TAF4B: variants seen among roughly 807,000 people sequenced by gnomAD.
TAF4B encodes transcription initiation factor TFIID subunit 4B.
A neutral mutation model predicts 86.4 loss-of-function variants in TAF4B; 38 were observed. The ratio of observed to expected loss-of-function variants is 0.44; its 90% CI spans 0.34 to 0.58. TAF4B has a LOEUF of 0.58. Ranked by LOEUF, TAF4B falls within the 20% of genes least tolerant of loss-of-function variation. TAF4B has a pLI of 0.02. For missense variants in TAF4B, 988 were observed against 1,027.6 expected (o/e 0.96, Z 0.53); for synonymous variants, 388 against 391.2 (o/e 0.99, Z 0.10).
At chr18:26,231,034 CTTTTTTTTTTTTT>C (rs536863843) in intron 1 of TAF4B, among the ~76,000 whole-genome samples, 1,064 of 66,290 alleles carry the variant, frequency 0.016, 30 homozygotes, top group African/African-American at 0.058. Context: ...TGTTGTTTTG[CTTTTTTTTTTTTT>C]TTTTTTTTTT....
chr18:26,303,062 G>A (rs8084145), intron 9 of TAF4B, among the ~76,000 whole-genome samples: 2,163 of 79,668 alleles, frequency 0.027, 248 homozygotes, highest in African/African-American at 0.11. Context: ...TTTCATACCC[G>A]CTCCACTTTC....
chr18:26,309,245 A>ATTTTTTTTTTTTTTTTTT (rs59457633), intron 9 of TAF4B, among the ~76,000 whole-genome samples: 1 of 84,588 alleles, frequency 1.2e-5, no homozygotes, highest in African/African-American at 3.8e-5. Context: ...ACCTGACAGT[A>ATTTTTTTTTTTTTTTTTT]TTTTTTTTTT....
At chr18:26,312,850 A>G (rs1477725222) in intron 9 of TAF4B, among the ~76,000 whole-genome samples, 1 of 152,072 alleles carries the variant, frequency 6.6e-6, no homozygotes, top group African/African-American at 2.4e-5. Context: ...CTACACTTCA[A>G]TTTTTCTATC....
chr18:26,313,825 C>T (rs945295818), intron 9 of TAF4B, among the ~76,000 whole-genome samples: 1 of 152,044 alleles, frequency 6.6e-6, no homozygotes, highest in African/African-American at 2.4e-5. Flanking sequence ...ACAGCCATGC[C>T]TGGCTAATTT....
intron 13 of TAF4B, among the ~76,000 whole-genome samples, chr18:26,344,774 A>C (rs1234249173): frequency 2.0e-5 from 3 of 152,018 alleles, no homozygotes; most frequent in Non-Finnish European, 4.4e-5. Flanking sequence ...CAATGAATAA[A>C]CAGATAGGAT....
chr18:26,350,008 A>G (rs1362035272), intron 13 of TAF4B, among the ~76,000 whole-genome samples: 1 of 152,232 alleles, frequency 6.6e-6, no homozygotes, highest in Non-Finnish European at 1.5e-5. Flanking sequence ...GCGGGCATCC[A>G]TATGCAGAAG....
chr18:26,314,541 T>C (rs1677013), intron 9 of TAF4B, among the ~76,000 whole-genome samples: 53,821 of 152,098 alleles, frequency 0.35, 11,618 homozygotes, highest in East Asian at 0.81. Flanking sequence ...TTTGGGTAAT[T>C]GCTGAGGATG....
intron 10 of TAF4B, among the ~76,000 whole-genome samples, chr18:26,316,891 A>G (rs2056917430): frequency 6.6e-6 from 1 of 152,166 alleles, no homozygotes; most frequent in African/African-American, 2.4e-5. Context: ...ATTTGGGAAC[A>G]AGTCTCAGCA....
At chr18:26,251,550 C>T (rs962342892) in intron 1 of TAF4B, among the ~76,000 whole-genome samples, 5 of 152,058 alleles carry the variant, frequency 3.3e-5, no homozygotes, top group African/African-American at 9.7e-5. Context: ...GGACACTGGA[C>T]CACGATACAC....
intron 9 of TAF4B, among the ~76,000 whole-genome samples, chr18:26,302,253 G>A (rs1328419468): frequency 6.6e-6 from 1 of 151,104 alleles, no homozygotes; most frequent in Non-Finnish European, 1.5e-5. Context: ...TTTTAAAGTT[G>A]TTGAATTTGG....
intron 5 of TAF4B, among the ~76,000 whole-genome samples, chr18:26,281,143 A>T (rs1812735455): frequency 6.6e-6 from 1 of 152,164 alleles, no homozygotes; most frequent in African/African-American, 2.4e-5. Context: ...ACTACTAGAA[A>T]GTGGGAGTGA....
At chr18:26,308,181 G>C (rs193237008) in intron 9 of TAF4B, among the ~76,000 whole-genome samples, 2 of 152,152 alleles carry the variant, frequency 1.3e-5, no homozygotes, top group Non-Finnish European at 2.9e-5. Context: ...CTGAGCTCCG[G>C]AAGTGAAGGC....
chr18:26,247,945 G>A (rs28767287), intron 1 of TAF4B, among the ~76,000 whole-genome samples: 5,215 of 146,320 alleles, frequency 0.036, 172 homozygotes, highest in Admixed American at 0.1. Flanking sequence ...GTACAATCAG[G>A]GCTCACTTCA....
chr18:26,372,372 A>G (rs185582963), intron 14 of TAF4B, among the ~76,000 whole-genome samples: 1 of 152,308 alleles, frequency 6.6e-6, no homozygotes, highest in East Asian at 1.9e-4. Flanking sequence ...GGTGATTTCA[A>G]TTGCAGGTAT....
chr18:26,361,257 G>T (rs558284252), intron 14 of TAF4B, among the ~76,000 whole-genome samples: 47 of 150,130 alleles, frequency 3.1e-4, no homozygotes, highest in Non-Finnish European at 5.3e-4. Flanking sequence ...GTTTCTATGA[G>T]TTTGACTACT....
chr18:26,338,632 C>G (rs1241453362), intron 13 of TAF4B, among the ~76,000 whole-genome samples: 1 of 151,854 alleles, frequency 6.6e-6, no homozygotes, highest in Non-Finnish European at 1.5e-5. Context: ...GCATGTGCCA[C>G]CATGCCTGGC....
intron 1 of TAF4B, chr18:26,256,189 C>T: frequency 6.2e-7 from 1 of 1,610,788 alleles, no homozygotes. Flanking sequence ...ACAAGCAGGA[C>T]ACAGGCATTG....
At chr18:26,344,112 A>G (rs12960166) in intron 13 of TAF4B, among the ~76,000 whole-genome samples, 31,877 of 152,200 alleles carry the variant, frequency 0.21, 4,208 homozygotes, top group Non-Finnish European at 0.3. Flanking sequence ...AAATTTAGGA[A>G]CTGAAAACGA....
At chr18:26,341,215 G>GAACTT in intron 13 of TAF4B, among the ~76,000 whole-genome samples, 1 of 152,162 alleles carries the variant, frequency 6.6e-6, no homozygotes, top group Middle Eastern at 3.4e-3. Flanking sequence ...ATATTTAAAT[G>GAACTT]AACTTAACGA....
Sources: allele counts gnomAD v4.1 joint callset (sites outside exome capture counted in the v4.1 genomes callset), GRCh38; gene constraint gnomAD v4.1.1; transcripts MANE v1.5; gene names NCBI Gene and HGNC (gene_info 2026-07-23, HGNC 2026-07-21).